CSNK1G1: variants seen among roughly 807,000 people sequenced by gnomAD.
CSNK1G1 encodes the protein casein kinase 1 gamma 1.
Under a neutral mutation model 59.6 loss-of-function variants are expected in CSNK1G1, and 22 were observed. That is an observed-to-expected ratio of 0.37 (90% CI 0.26 to 0.53). The LOEUF (loss-of-function observed/expected upper bound fraction) is 0.53. CSNK1G1 is among the 20% of genes least tolerant of loss of function. The pLI, the probability that CSNK1G1 is intolerant of heterozygous loss-of-function variation, is 0.89. For missense variants in CSNK1G1, 384 were observed against 519.5 expected (o/e 0.74, Z 2.54); for synonymous variants, 179 against 177.1 (o/e 1.01, Z -0.08).
intron 1 of CSNK1G1, among the ~76,000 whole-genome samples, chr15:64,327,165 G>T: frequency 1.3e-5 from 2 of 152,218 alleles, no homozygotes. Context: ...ACTGGGTGGA[G>T]CCCACCACAC....
At chr15:64,201,769 C>T (rs1567370343) in intron 10 of CSNK1G1, among the ~76,000 whole-genome samples, 1 of 142,248 alleles carries the variant, frequency 7.0e-6, no homozygotes. Context: ...CTATTCTTAA[C>T]CTATATACTT....
rs149401701 is a variant in CSNK1G1, at chr15:64,223,600, T to C, written c.293-6887A>G. On this transcript the variant is annotated intron_variant, in intron 4 of 11. Transcript: ENST00000303052. ...GTAAACTGCATAGAAACCTGGAAACTAAAGAAGTGACTACTGAATTTTACT... is the reference window on the plus strand; with the variant it reads ...GTAAACTGCATAGAAACCTGGAAACCAAAGAAGTGACTACTGAATTTTACT... 1.4e-3 allele frequency among the ~76,000 whole-genome samples: 212 copies of C among 152,316 alleles called. 1 individual carries two copies. The highest frequency in any genetic ancestry group is 2.4e-3 in the Non-Finnish European group (163 of 68,008).
chr15:64,240,241 T>TAAACA (rs1357421939), intron 4 of CSNK1G1, among the ~76,000 whole-genome samples: 2 of 151,434 alleles, frequency 1.3e-5, no homozygotes, highest in African/African-American at 2.4e-5. Context: ...CTCAACAAAC[T>TAAACA]AAACAAAACA....
At chr15:64,250,185 T>C (rs960688474) in intron 4 of CSNK1G1, among the ~76,000 whole-genome samples, 1 of 152,160 alleles carries the variant, frequency 6.6e-6, no homozygotes, top group African/African-American at 2.4e-5. Context: ...ATACACCCTG[T>C]GAACTCAGTT....
chr15:64,325,266 T>C (rs1452696922), intron 1 of CSNK1G1, among the ~76,000 whole-genome samples: 2 of 152,194 alleles, frequency 1.3e-5, no homozygotes, highest in East Asian at 1.9e-4. Flanking sequence ...AGTTACATTA[T>C]CTCACTCATA....
chr15:64,249,808 A>G (rs1335128223), intron 4 of CSNK1G1, among the ~76,000 whole-genome samples: 2 of 152,228 alleles, frequency 1.3e-5, no homozygotes, highest in East Asian at 3.8e-4. Context: ...GTACCAACCC[A>G]GCAGCACAGA....
At chr15:64,292,882 C>T (rs1440687566) in intron 2 of CSNK1G1, among the ~76,000 whole-genome samples, 1 of 152,054 alleles carries the variant, frequency 6.6e-6, no homozygotes, top group Admixed American at 6.6e-5. Context: ...GAGCCAATAT[C>T]GCGCCACTGC....
At chr15:64,183,260 A>G (rs1326681182) in intron 10 of CSNK1G1, among the ~76,000 whole-genome samples, 1 of 152,154 alleles carries the variant, frequency 6.6e-6, no homozygotes, top group Non-Finnish European at 1.5e-5. Flanking sequence ...TCCTTGGGCA[A>G]TCTAAGGAAT....
At chr15:64,341,502 T>C (rs1416680480) in intron 1 of CSNK1G1, among the ~76,000 whole-genome samples, 3 of 152,198 alleles carry the variant, frequency 2.0e-5, no homozygotes, top group Non-Finnish European at 1.5e-5. Context: ...CAAAGACATC[T>C]TGCCCTGTCA....
At position 64,176,546 on chromosome 15, in the gene CSNK1G1, A is replaced by G. The variant is rs982530170; in HGVS notation, c.1214+3802T>C. Among the ~76,000 whole-genome samples, 1 of 152,156 alleles carries G rather than the reference A, an allele frequency of 6.6e-6. No individual in the cohort carries two copies. The highest frequency in any genetic ancestry group is 1.5e-5 in the Non-Finnish European group (1 of 68,026). On this transcript the variant is annotated intron_variant, in intron 11 of 11. Transcript: ENST00000303052. The surrounding 1 kb of genome is among the most constrained non-coding windows in gnomAD (Gnocchi z 5.2). The stretch of plus-strand genomic sequence containing the variant: ...ATCTCAGGGGTAAGGCAAAACAGAA[A>G]GAGTTGGTAGGAGCTCCAGGGTGGG...
At chr15:64,346,351 C>T in intron 1 of CSNK1G1, among the ~76,000 whole-genome samples, 1 of 148,798 alleles carries the variant, frequency 6.7e-6, no homozygotes, top group Non-Finnish European at 1.5e-5. Context: ...TAAATGTAAA[C>T]TACAAAACGA....
At chr15:64,266,220 C>A (rs1023038201) in intron 2 of CSNK1G1, among the ~76,000 whole-genome samples, 4 of 152,014 alleles carry the variant, frequency 2.6e-5, no homozygotes, top group Non-Finnish European at 5.9e-5. Flanking sequence ...GAGGACCACA[C>A]CCTGCTAATT....
intron 1 of CSNK1G1, among the ~76,000 whole-genome samples, chr15:64,331,334 G>A (rs1262885337): frequency 2.9e-5 from 4 of 138,200 alleles, no homozygotes; most frequent in Admixed American, 7.5e-5. Flanking sequence ...CAGAGATATA[G>A]ATCAATGGAA....
chr15:64,236,723 A>G (rs1176353973), intron 4 of CSNK1G1, among the ~76,000 whole-genome samples: 2 of 152,234 alleles, frequency 1.3e-5, no homozygotes, highest in Admixed American at 6.5e-5. Context: ...TATGGAAGAC[A>G]ATATGGAGAT....
rs2081595938 is a variant in CSNK1G1, at chr15:64,165,805, G to A, written c.*6126C>T. The A allele has an allele frequency of 5.0e-6, 2 of 400,034 alleles. No homozygotes were observed. The highest frequency in any genetic ancestry group is 4.4e-6 in the Non-Finnish European group (1 of 226,618). 24.8% of individuals were successfully genotyped at this position (400,034 alleles called of 1,614,324 possible). ...AACTGAGTCCTTTCCTCCCCAAACT[G>A]GGGAAGAGGTATACTTAAAGATCAC... On this transcript the variant is annotated 3_prime_UTR_variant, in exon 12 of 12. Coordinates refer to ENST00000303052, the MANE Select transcript of CSNK1G1 (RefSeq NM_022048.5).
chr15:64,190,072 A>G (rs1462724486), intron 10 of CSNK1G1, among the ~76,000 whole-genome samples: 11 of 152,062 alleles, frequency 7.2e-5, no homozygotes, highest in Admixed American at 6.6e-4. Flanking sequence ...CGCCTGCCTC[A>G]GCCTCCCAAA....
intron 1 of CSNK1G1, among the ~76,000 whole-genome samples, chr15:64,318,496 G>C (rs1480618234): frequency 6.6e-6 from 1 of 152,040 alleles, no homozygotes; most frequent in Non-Finnish European, 1.5e-5. Context: ...ATTATTTTGG[G>C]AGGGAGGTAA....
At chr15:64,231,889 C>T (rs1018886688) in intron 4 of CSNK1G1, among the ~76,000 whole-genome samples, 1 of 152,152 alleles carries the variant, frequency 6.6e-6, no homozygotes, top group African/African-American at 2.4e-5. Flanking sequence ...ACTGTAAGCT[C>T]AGTAAATATT....
chr15:64,285,408 AAATTAG>A (rs1370555634), intron 2 of CSNK1G1, among the ~76,000 whole-genome samples: 2 of 152,174 alleles, frequency 1.3e-5, no homozygotes, highest in African/African-American at 4.8e-5. Context: ...AAAGCTCCAT[AAATTAG>A]AATTATCCTA....
Sources: allele counts gnomAD v4.1 joint callset (sites outside exome capture counted in the v4.1 genomes callset), GRCh38; gene constraint gnomAD v4.1.1; non-coding constraint Gnocchi (gnomAD v3.1); transcripts MANE v1.5; gene names NCBI Gene and HGNC (gene_info 2026-07-23, HGNC 2026-07-21).